The following TTC33 variants were observed in gnomAD, a reference collection of about 807,000 sequenced individuals.
TTC33 encodes the protein tetratricopeptide repeat protein 33.
TTC33 carries 24 observed loss-of-function variants against 29.4 expected under a neutral mutation model. The observed-to-expected ratio is 0.82, with a 90% CI of 0.59 to 1.15. The LOEUF is 1.15. Ranked by LOEUF, TTC33 falls within the 50% of genes most tolerant of loss-of-function variation. TTC33 has a pLI of 0.00. For missense variants in TTC33, 286 were observed against 310.4 expected, an observed-to-expected ratio of 0.92 and a Z score of 0.59; for synonymous variants, 107 against 100.3, an observed-to-expected ratio of 1.07 and a Z score of -0.40.
chr5:40,744,604 A>C (rs1479184865), intron 2 of TTC33, among the ~76,000 whole-genome samples: 1 of 151,774 alleles, frequency 6.6e-6, no homozygotes, highest in Non-Finnish European at 1.5e-5. Context: ...AGTCAAAGGC[A>C]CACAGGCCTG....
At chr5:40,735,687 G>C (rs1230889237) in intron 2 of TTC33, among the ~76,000 whole-genome samples, 1 of 152,206 alleles carries the variant, frequency 6.6e-6, no homozygotes, top group Non-Finnish European at 1.5e-5. Flanking sequence ...AGCAAGCAAA[G>C]ATTAAAAAGG....
At chr5:40,750,877 G>A (rs1249978878) in intron 1 of TTC33, among the ~76,000 whole-genome samples, 1 of 152,148 alleles carries the variant, frequency 6.6e-6, no homozygotes, top group Non-Finnish European at 1.5e-5. Flanking sequence ...TTTATCATGA[G>A]ATTGCAGGAA....
Position 40,724,655 on chromosome 5 carries a change from C to CA in TTC33, c.435+3689dup, listed in dbSNP as rs199921717. Among the ~76,000 whole-genome samples the CA allele has an allele frequency of 6.5e-4, 96 of 148,824 alleles. 1 individual carries two copies. In the East Asian group the frequency reaches 0.014, roughly 22 times the overall value. On this transcript the variant is annotated intron_variant, in intron 4 of 4. Coordinates refer to ENST00000337702, the MANE Select transcript of TTC33 (RefSeq NM_012382.3). The stretch of plus-strand genomic sequence containing the variant: ...CTCAAAAAAACAAAAAACAAACAAA[C>CA]AAAAAAAAACAGAACAATAATAAAG...
At chr5:40,753,940 G>T (rs1353883295) in intron 1 of TTC33, among the ~76,000 whole-genome samples, 2 of 151,808 alleles carry the variant, frequency 1.3e-5, no homozygotes, top group Non-Finnish European at 2.9e-5. Flanking sequence ...CCGTTGATCA[G>T]ATCTGTAGAT....
intron 2 of TTC33, among the ~76,000 whole-genome samples, chr5:40,743,307 G>A (rs996058369): frequency 2.0e-5 from 3 of 152,146 alleles, no homozygotes; most frequent in Non-Finnish European, 2.9e-5. Context: ...ATAGCACAAA[G>A]TTGTATAATA....
At chr5:40,737,368 G>A (rs922695281) in intron 2 of TTC33, among the ~76,000 whole-genome samples, 3 of 150,622 alleles carry the variant, frequency 2.0e-5, no homozygotes, top group Admixed American at 6.6e-5. Flanking sequence ...TACTAAAGAA[G>A]GCTGACAGAG....
chr5:40,740,244 T>C (rs1300731504), intron 2 of TTC33, among the ~76,000 whole-genome samples: 1 of 151,690 alleles, frequency 6.6e-6, no homozygotes, highest in African/African-American at 2.4e-5. Flanking sequence ...TCCAGAACCC[T>C]TTCATTCTTT....
Position 40,719,850 on chromosome 5 carries a change from C to G in TTC33, c.436-3352G>C, listed in dbSNP as rs899349256. Among the ~76,000 whole-genome samples the G allele has an allele frequency of 6.6e-5, 10 of 152,082 alleles. 1 individual carries two copies. Among genetic ancestry groups the G allele is most frequent in the Admixed American group, 6.6e-4 (10 of 15,264 alleles). On this transcript the variant is annotated intron_variant, in intron 4 of 4. Transcript: ENST00000337702. ...TGTGTGTATCTTCTTTGGAAAAATA[C>G]CTTTTCAAATCCTTTGTCTATTTTT...
At chr5:40,725,264 C>T (rs766779670) in intron 4 of TTC33, among the ~76,000 whole-genome samples, 9 of 151,148 alleles carry the variant, frequency 6.0e-5, no homozygotes, top group South Asian at 2.1e-4. Flanking sequence ...TGAGATTATA[C>T]GCGTGAGCCA....
intron 2 of TTC33, among the ~76,000 whole-genome samples, chr5:40,745,405 T>A (rs1287744791): frequency 6.6e-6 from 1 of 152,150 alleles, no homozygotes; most frequent in Non-Finnish European, 1.5e-5. Flanking sequence ...AAAAACACCC[T>A]GTAAATATGC....
intron 1 of TTC33, among the ~76,000 whole-genome samples, chr5:40,749,630 C>T (rs767921605): frequency 1.3e-5 from 2 of 152,160 alleles, no homozygotes; most frequent in Admixed American, 1.3e-4. Context: ...TGTATAAGTA[C>T]AGGCCTATCT....
In TTC33 at chr5:40,746,958, G is replaced by T. The variant is rs1429454825; in HGVS notation, c.61C>A (p.Gln21Lys). 15 of 1,614,134 alleles carry T rather than the reference G, an allele frequency of 9.3e-6. No homozygotes were observed. The highest frequency in any genetic ancestry group is 4.4e-5 in the South Asian group (4 of 91,080). ...TCATCAGCAGCTTCAGCTTCAAACT[G>T]CTGGGAAGTGACCTTTGAGACCTTC... The part of the protein sequence containing the change: ...GEKVSKVTSQ[Q>K]FEAEAADEKD... Residue 21 changes from glutamine (Q) to lysine (K), a missense_variant, in exon 2 of 5, where the codon CAG becomes AAG. Coordinates refer to ENST00000337702, the MANE Select transcript of TTC33 (RefSeq NM_012382.3).
chr5:40,739,307 G>T (rs977671072), intron 2 of TTC33, among the ~76,000 whole-genome samples: 4 of 152,148 alleles, frequency 2.6e-5, no homozygotes, highest in African/African-American at 9.7e-5. Flanking sequence ...CTGGGATTTC[G>T]ATTGGAATTG....
chr5:40,736,834 T>C (rs1368476898), intron 2 of TTC33, among the ~76,000 whole-genome samples: 2 of 152,182 alleles, frequency 1.3e-5, no homozygotes, highest in Non-Finnish European at 2.9e-5. Context: ...ATGATAAAGT[T>C]GGGATTTGAA....
intron 1 of TTC33, among the ~76,000 whole-genome samples, chr5:40,754,129 CAT>C (rs1162199835): frequency 6.6e-6 from 1 of 152,100 alleles, no homozygotes; most frequent in Non-Finnish European, 1.5e-5. Context: ...GGCTCTCAAC[CAT>C]ATGTGAAAAA....
chr5:40,728,541 A>G (rs927256178), intron 3 of TTC33, 65 bp from the exon 4 acceptor site: 15 of 1,431,878 alleles, frequency 1.0e-5, no homozygotes, highest in Middle Eastern at 1.8e-4. Flanking sequence ...TACATAAAAA[A>G]CCCTTTTCAT....
At chr5:40,734,756 A>C (rs1288379673) in intron 2 of TTC33, among the ~76,000 whole-genome samples, 2 of 152,248 alleles carry the variant, frequency 1.3e-5, no homozygotes, top group African/African-American at 4.8e-5. Flanking sequence ...ATAAGTACTA[A>C]GGATGCAGCA....
chr5:40,755,176 T>C (rs1742962366), intron 1 of TTC33, among the ~76,000 whole-genome samples: 1 of 152,152 alleles, frequency 6.6e-6, no homozygotes, highest in Admixed American at 6.5e-5. Context: ...GCTCAACAAC[T>C]GGCGACGGCT....
intron 4 of TTC33, among the ~76,000 whole-genome samples, chr5:40,717,672 A>C (rs1742030587): frequency 6.6e-6 from 1 of 152,252 alleles, no homozygotes; most frequent in Non-Finnish European, 1.5e-5. Flanking sequence ...CTGCCCTCCA[A>C]GTGAGAATCA....
Sources: allele counts gnomAD v4.1 joint callset (sites outside exome capture counted in the v4.1 genomes callset), GRCh38; gene constraint gnomAD v4.1.1; transcripts MANE v1.5; gene names NCBI Gene and HGNC (gene_info 2026-07-23, HGNC 2026-07-21).